The following MAPT variants were observed in gnomAD, a reference collection of about 807,000 sequenced individuals.
The protein encoded by MAPT is microtubule associated protein tau, also known as microtubule-associated protein tau.
Under a neutral mutation model 67.9 loss-of-function variants are expected in MAPT, and 34 were observed. The observed-to-expected ratio is 0.50, with a 90% CI of 0.38 to 0.67. MAPT has a LOEUF of 0.67. Ranked by LOEUF, MAPT falls within the 30% of genes least tolerant of loss-of-function variation. The probability of loss-of-function intolerance (pLI) is 0.00; values close to 1 mark genes in which losing one functional copy is unlikely to be tolerated. For missense variants in MAPT, 881 were observed against 1,115.2 expected (o/e 0.79, Z 2.99); for synonymous variants, 456 against 464.5 (o/e 0.98, Z 0.23).
intron 12 of MAPT, among the ~76,000 whole-genome samples, chr17:46,020,013 CAAAAA>C (rs34260992): frequency 8.1e-5 from 10 of 123,492 alleles, no homozygotes; most frequent in Non-Finnish European, 1.1e-4. Flanking sequence ...TTCCATCTCA[CAAAAA>C]AAAAAAAAAA....
rs759546274 is a variant in MAPT, at chr17:45,996,697, G to A, written c.1998+33G>A. 3.7e-5 allele frequency: 60 copies of A among 1,610,672 alleles called. No individual in the cohort carries two copies. Among genetic ancestry groups the A allele is most frequent in the Admixed American group, 6.7e-5 (4 of 59,862 alleles). On this transcript the variant is annotated intron_variant, in intron 9 of 12. Coordinates refer to ENST00000262410, the MANE Select transcript of MAPT (RefSeq NM_001377265.1). The surrounding 1 kb of genome is among the most constrained non-coding windows in gnomAD (Gnocchi z 4.5). The stretch of plus-strand genomic sequence containing the variant: ...TGGCTGGCTGCGCGTGGAGGTGTGG[G>A]GGGCTGCGCCTGGAGGGGTAGGGCT...
Position 45,928,002 on chromosome 17 carries a change from GAAAAAAAAAAA to G in MAPT, c.-18+33331_-18+33341del, listed in dbSNP as rs35954789. Among the ~76,000 whole-genome samples, 120 of 55,192 alleles carry G rather than the reference GAAAAAAAAAAA, an allele frequency of 2.2e-3. 2 individuals are homozygous for G. In the East Asian group the frequency reaches 0.047, roughly 22 times the overall value. The allele number at this position is 55,192 out of a possible 152,430, so 36.2% of individuals were successfully genotyped here. ...GTGACAGAGTGAGACTCCGTCTCAGGAAAAAAAAAAAAAAAAAAAAAAAAAGCATCCTCAGC... is the reference window on the plus strand; with the variant it reads ...GTGACAGAGTGAGACTCCGTCTCAGGAAAAAAAAAAAAAAGCATCCTCAGC... On this transcript the variant is annotated intron_variant, in intron 1 of 12. Transcript: ENST00000262410.
intron 10 of MAPT, among the ~76,000 whole-genome samples, chr17:46,013,625 T>C (rs2075970954): frequency 6.6e-6 from 1 of 152,240 alleles, no homozygotes. Flanking sequence ...CTGCTGGTTC[T>C]CACGTCCGAG....
chr17:46,016,556 G>A (rs1035982773), intron 11 of MAPT, among the ~76,000 whole-genome samples: 1 of 152,104 alleles, frequency 6.6e-6, no homozygotes, highest in Non-Finnish European at 1.5e-5. Flanking sequence ...CGGATCACGA[G>A]GTCAGGAGAT....
At chr17:45,935,761 A>G (rs2067264100) in intron 1 of MAPT, among the ~76,000 whole-genome samples, 1 of 152,044 alleles carries the variant, frequency 6.6e-6, no homozygotes, top group South Asian at 2.1e-4. Flanking sequence ...TCTCTTTAGC[A>G]CAGAGGAGGC....
chr17:45,954,598 G>C (rs1274366434), intron 1 of MAPT, among the ~76,000 whole-genome samples: 1 of 152,166 alleles, frequency 6.6e-6, no homozygotes, highest in African/African-American at 2.4e-5. Flanking sequence ...ACCTCAGCCT[G>C]GGCGACAGAG....
chr17:45,934,667 C>A (rs1331480210), intron 1 of MAPT, among the ~76,000 whole-genome samples: 1 of 152,196 alleles, frequency 6.6e-6, no homozygotes, highest in Non-Finnish European at 1.5e-5. Context: ...AAAGCCATCA[C>A]TTCTTAAAAA....
In MAPT at chr17:45,996,696, G is replaced by C; in HGVS notation, c.1998+32G>C. ...GTGGCTGGCTGCGCGTGGAGGTGTG[G>C]GGGGCTGCGCCTGGAGGGGTAGGGC... On this transcript the variant is annotated intron_variant, in intron 9 of 12. Transcript: ENST00000262410. This position sits in a 1 kb window ranked among gnomAD's most constrained non-coding sequence, Gnocchi z 4.5. The C allele has an allele frequency of 6.2e-7, 1 of 1,610,908 alleles. No homozygotes were observed.
At chr17:46,017,440 A>ATTTTTTTTTTTTTTTTTTTTTTTTT (rs76980614) in intron 11 of MAPT, among the ~76,000 whole-genome samples, 14 of 63,002 alleles carry the variant, frequency 2.2e-4, no homozygotes, top group African/African-American at 4.7e-4. Flanking sequence ...TGCCTGGCTA[A>ATTTTTTTTTTTTTTTTTTTTTTTTT]TTTTTTTTTT....
intron 6 of MAPT, 59 bp downstream of exon 6, chr17:45,987,154 T>C: frequency 6.9e-7 from 1 of 1,459,542 alleles, no homozygotes; most frequent in Non-Finnish European, 9.6e-7. Context: ...AAGCTGTGCT[T>C]TATGTCTGAT....
intron 1 of MAPT, among the ~76,000 whole-genome samples, chr17:45,900,038 G>A (rs534037440): frequency 4.6e-5 from 7 of 152,152 alleles, no homozygotes; most frequent in East Asian, 1.9e-4. Context: ...TCTGTACCTC[G>A]GCAAGGTGAA....
At position 45,971,812 on chromosome 17, in the gene MAPT, C is replaced by T. The variant is rs369136627; in HGVS notation, c.134-47C>T. The T allele has an allele frequency of 3.9e-5, 52 of 1,330,436 alleles. No individual in the cohort carries two copies. The highest frequency in any genetic ancestry group is 5.0e-5 in the Non-Finnish European group (46 of 921,642). The allele number at this position is 1,330,436 out of a possible 1,614,324, so 82.4% of individuals were successfully genotyped here. ...AGTTCCTCCTGAGAACAAAAGGGGG[C>T]GCTGGGGAGAGGCCACCGTTCTGAG... On this transcript the variant is annotated intron_variant, in intron 2 of 12. Coordinates refer to ENST00000262410, the MANE Select transcript of MAPT (RefSeq NM_001377265.1). The surrounding 1 kb of genome is among the most constrained non-coding windows in gnomAD (Gnocchi z 4.3).
chr17:45,961,689 T>C (rs548156526), intron 1 of MAPT, among the ~76,000 whole-genome samples: 1 of 152,144 alleles, frequency 6.6e-6, no homozygotes, highest in East Asian at 1.9e-4. Context: ...GCAGCAGCAT[T>C]GATTTTTTTA....
chr17:45,923,824 G>A (rs1239462510), intron 1 of MAPT, among the ~76,000 whole-genome samples: 2 of 152,210 alleles, frequency 1.3e-5, no homozygotes, highest in African/African-American at 4.8e-5. Context: ...TCAAAGCGCA[G>A]CTCTGCCAGG....
chr17:45,965,197 T>C (rs971711727), intron 2 of MAPT, among the ~76,000 whole-genome samples: 8 of 151,834 alleles, frequency 5.3e-5, no homozygotes, highest in East Asian at 2.0e-4. Context: ...TTTGGGAGGC[T>C]AAGGTGGGCA....
At chr17:45,964,027 C>T (rs747010164) in intron 2 of MAPT, among the ~76,000 whole-genome samples, 5 of 151,948 alleles carry the variant, frequency 3.3e-5, no homozygotes, top group African/African-American at 9.7e-5. Flanking sequence ...TGAGAGGGAC[C>T]GGGGAATGCA....
intron 1 of MAPT, among the ~76,000 whole-genome samples, chr17:45,925,686 G>C (rs2066211047): frequency 6.6e-6 from 1 of 152,138 alleles, no homozygotes; most frequent in Non-Finnish European, 1.5e-5. Context: ...AAAATGTCAT[G>C]GGAAAACACT....
rs17652121 is a variant in MAPT, at chr17:45,996,607, T to C, written c.1941T>C (p.Asn647=). ...TAPVPMPDLK[N]VKSKIGSTEN... The stretch of plus-strand genomic sequence containing the variant: ...CCGTGCCCATGCCAGACCTGAAGAA[T>C]GTCAAGTCCAAGATCGGCTCCACTG... Residue 647 remains asparagine (N), a synonymous_variant, in exon 9 of 13, where the codon AAT becomes AAC. Transcript: ENST00000262410. This position sits in a 1 kb window ranked among gnomAD's most constrained non-coding sequence, Gnocchi z 4.5. The C allele has an allele frequency of 0.19, 304,987 of 1,613,412 alleles. 32,798 individuals are homozygous for C. The highest frequency in any genetic ancestry group is 0.22 in the Non-Finnish European group (261,326 of 1,179,768).
chr17:46,020,654 C>T (rs553749586), intron 12 of MAPT, among the ~76,000 whole-genome samples: 1 of 152,260 alleles, frequency 6.6e-6, no homozygotes. Flanking sequence ...TTGTCTCACA[C>T]GGTGGCAGAC....
Sources: gnomAD v4.1 joint callset for allele counts (sites outside exome capture counted in the v4.1 genomes callset) on GRCh38, gnomAD v4.1.1 for gene constraint, Gnocchi (gnomAD v3.1) non-coding constraint, MANE v1.5 for transcripts, NCBI Gene and HGNC (gene_info 2026-07-23, HGNC 2026-07-21) for gene names.